The following RUNX1 variants were observed in gnomAD, a reference collection of about 807,000 sequenced individuals.
RUNX1 encodes the protein runt-related transcription factor 1.
In RUNX1, 19 loss-of-function variants were observed where a neutral mutation model predicts 42.8. That is an observed-to-expected ratio of 0.44 (90% CI 0.31 to 0.65). RUNX1 has a LOEUF of 0.65. Ranked by LOEUF, RUNX1 falls within the 30% of genes least tolerant of loss-of-function variation. The probability of loss-of-function intolerance (pLI) is 0.07; values close to 1 mark genes in which losing one functional copy is unlikely to be tolerated. For synonymous variants in RUNX1, 271 were observed against 289.4 expected, an observed-to-expected ratio of 0.94 and a Z score of 0.64; for missense variants, 528 against 672.0, an observed-to-expected ratio of 0.79 and a Z score of 2.37.
intron 2 of RUNX1, among the ~76,000 whole-genome samples, chr21:34,970,915 A>G (rs2058759339): frequency 6.6e-6 from 1 of 152,248 alleles, no homozygotes; most frequent in African/African-American, 2.4e-5. Context: ...CCAGAGCTAG[A>G]TAAGTTTGGA....
chr21:35,039,567 C>T (rs1281639569), intron 2 of RUNX1, among the ~76,000 whole-genome samples: 1 of 152,116 alleles, frequency 6.6e-6, no homozygotes, highest in Non-Finnish European at 1.5e-5. Flanking sequence ...TCATATAGAA[C>T]AATGTCTCAT....
intron 7 of RUNX1, among the ~76,000 whole-genome samples, chr21:34,802,615 A>G (rs1371014193): frequency 1.3e-5 from 2 of 152,200 alleles, no homozygotes; most frequent in Non-Finnish European, 2.9e-5. Context: ...AGTTACAGCT[A>G]CTAGGGTGCC....
At chr21:34,819,221 A>C (rs2056873233) in intron 7 of RUNX1, among the ~76,000 whole-genome samples, 1 of 152,242 alleles carries the variant, frequency 6.6e-6, no homozygotes, top group African/African-American at 2.4e-5. Flanking sequence ...GTCTTTGAGC[A>C]AGAAAAGTCT....
chr21:34,859,269 G>C, intron 6 of RUNX1: 1 of 609,292 alleles, frequency 1.6e-6, no homozygotes, highest in East Asian at 2.8e-5. Flanking sequence ...CCCTCTAAAA[G>C]GATGCTTCAA....
At chr21:35,013,130 T>C (rs2059137315) in intron 2 of RUNX1, among the ~76,000 whole-genome samples, 1 of 152,216 alleles carries the variant, frequency 6.6e-6, no homozygotes, top group Admixed American at 6.5e-5. Flanking sequence ...TATCCCAATA[T>C]GAATACACAC....
intron 2 of RUNX1, among the ~76,000 whole-genome samples, chr21:34,936,063 C>T (rs536419241): frequency 3.3e-5 from 5 of 152,200 alleles, no homozygotes; most frequent in East Asian, 1.9e-4. Context: ...ACTAACATGG[C>T]GGGATAAAAA....
At chr21:34,987,894 G>A (rs1007406097) in intron 2 of RUNX1, among the ~76,000 whole-genome samples, 2 of 152,170 alleles carry the variant, frequency 1.3e-5, no homozygotes, top group African/African-American at 4.8e-5. Flanking sequence ...CAGAGATCCA[G>A]GCTGATGAAC....
intron 2 of RUNX1, among the ~76,000 whole-genome samples, chr21:34,908,370 A>G (rs2146512313): frequency 6.6e-6 from 1 of 152,360 alleles, no homozygotes; most frequent in Admixed American, 6.5e-5. Context: ...GTTTCTTCCC[A>G]TTAATGATCT....
intron 6 of RUNX1, among the ~76,000 whole-genome samples, chr21:34,853,109 A>ACCC (rs2057446988): frequency 2.0e-5 from 3 of 152,182 alleles, no homozygotes; most frequent in African/African-American, 7.2e-5. Context: ...CCAACACCGG[A>ACCC]AGAAGAGGTC....
intron 2 of RUNX1, among the ~76,000 whole-genome samples, chr21:34,962,604 T>C (rs1485781936): frequency 6.6e-6 from 1 of 152,238 alleles, no homozygotes; most frequent in South Asian, 2.1e-4. Context: ...CACGCCACCC[T>C]GGCATTTTGA....
At chr21:34,836,056 T>C (rs1003389299) in intron 6 of RUNX1, among the ~76,000 whole-genome samples, 2 of 152,224 alleles carry the variant, frequency 1.3e-5, no homozygotes, top group African/African-American at 4.8e-5. Flanking sequence ...CCCACTATAT[T>C]GCAGTGATTT....
At chr21:34,838,894 A>G (rs1344309147) in intron 6 of RUNX1, among the ~76,000 whole-genome samples, 2 of 151,532 alleles carry the variant, frequency 1.3e-5, no homozygotes, top group African/African-American at 4.8e-5. Flanking sequence ...TATTTACCAT[A>G]CCACATGTAT....
In RUNX1 at chr21:34,802,539, T is replaced by C. The variant is rs117861133; in HGVS notation, c.806-3077A>G. On this transcript the variant is annotated intron_variant, in intron 7 of 8. Coordinates refer to ENST00000675419, the MANE Select transcript of RUNX1 (RefSeq NM_001754.5). ...CATTCACTCATATTTCCAACAAACA[T>C]TTTTGCTTCACTTGGGCCACTGTTT... 1.9e-3 allele frequency among the ~76,000 whole-genome samples: 291 copies of C among 152,312 alleles called. 1 individual carries two copies. The highest frequency in any genetic ancestry group is 2.7e-3 in the Non-Finnish European group (186 of 68,026).
chr21:34,819,349 G>T (rs1003314), intron 7 of RUNX1, among the ~76,000 whole-genome samples: 1 of 152,120 alleles, frequency 6.6e-6, no homozygotes, highest in Non-Finnish European at 1.5e-5. Flanking sequence ...CTATGGGAGG[G>T]GAAGATGGAG....
intron 4 of RUNX1, among the ~76,000 whole-genome samples, chr21:34,882,474 A>T (rs1375020446): frequency 6.6e-6 from 1 of 152,124 alleles, no homozygotes; most frequent in Non-Finnish European, 1.5e-5. Flanking sequence ...TCTCTTTTTA[A>T]TCCTTTCATT....
intron 2 of RUNX1, among the ~76,000 whole-genome samples, chr21:34,991,395 C>T (rs539531833): frequency 5.3e-5 from 8 of 152,348 alleles, no homozygotes; most frequent in African/African-American, 1.9e-4. Flanking sequence ...GAGTCTGTTC[C>T]CTTCTGTGTC....
chr21:34,836,085 T>C (rs975699457), intron 6 of RUNX1, among the ~76,000 whole-genome samples: 1 of 152,252 alleles, frequency 6.6e-6, no homozygotes, highest in Non-Finnish European at 1.5e-5. Context: ...ACGAGACCTG[T>C]TTGGCTCCAA....
chr21:34,816,734 T>C (rs1448825622), intron 7 of RUNX1, among the ~76,000 whole-genome samples: 3 of 152,092 alleles, frequency 2.0e-5, no homozygotes, highest in Non-Finnish European at 4.4e-5. Flanking sequence ...GCATCCAGCA[T>C]GGACCAAAGC....
In RUNX1 at chr21:34,799,558, CACAT is replaced by C. The variant is rs971212337; in HGVS notation, c.806-100_806-97del. On this transcript the variant is annotated intron_variant, in intron 7 of 8. Coordinates refer to ENST00000675419, the MANE Select transcript of RUNX1 (RefSeq NM_001754.5). ...ATGAGTGGCCCTTGTTCAAATATGT[CACAT>C]ACATGTATGTGGCCTATGTACCAGG... is the stretch of plus-strand genomic sequence containing the variant. The C allele has an allele frequency of 4.6e-6, 5 of 1,087,504 alleles. No individual in the cohort carries two copies. The African/African-American group carries it at 7.8e-5, about 17-fold the overall frequency. The allele number at this position is 1,087,504 out of a possible 1,614,324, so 67.4% of individuals were successfully genotyped here. A position where few individuals can be genotyped will look rare whatever the true frequency, so the allele number is the denominator to read the frequency against.
Sources: allele counts gnomAD v4.1 joint callset (sites outside exome capture counted in the v4.1 genomes callset), GRCh38; gene constraint gnomAD v4.1.1; transcripts MANE v1.5; gene names NCBI Gene and HGNC (gene_info 2026-07-23, HGNC 2026-07-21).